CSNK2A2IP: variants seen among roughly 807,000 people sequenced by gnomAD.
CSNK2A2IP encodes casein kinase II subunit alpha'-interacting protein.
the CSNK2A2IP span, among the ~76,000 whole-genome samples, chr3:88,429,722 T>C: frequency 2.0e-5 from 3 of 152,128 alleles, no homozygotes; most frequent in Non-Finnish European, 4.4e-5. Context: ...CTAAACTCTT[T>C]CCTGAGTAGG....
chr3:88,434,985 C>T, the CSNK2A2IP span, among the ~76,000 whole-genome samples: 1 of 152,162 alleles, frequency 6.6e-6, no homozygotes, highest in Non-Finnish European at 1.5e-5. Flanking sequence ...TCCCCTGCCC[C>T]CGCAAAGGCT....
chr3:88,424,797 C>A, the CSNK2A2IP span, among the ~76,000 whole-genome samples: 2 of 106,970 alleles, frequency 1.9e-5, no homozygotes, highest in Non-Finnish European at 4.0e-5. Flanking sequence ...CCCGTAGCAA[C>A]CTTTAACAAA....
chr3:88,360,442 T>C, the CSNK2A2IP span, among the ~76,000 whole-genome samples: 1,263 of 152,292 alleles, frequency 8.3e-3, 12 homozygotes, highest in African/African-American at 0.029. Flanking sequence ...CAAGAGTTTT[T>C]GTCTTGAAAT....
the CSNK2A2IP span, among the ~76,000 whole-genome samples, chr3:88,390,392 C>T: frequency 1.3e-5 from 2 of 152,146 alleles, no homozygotes; most frequent in African/African-American, 2.4e-5. Flanking sequence ...CATTCTCTGG[C>T]ATAGTGACAC....
chr3:88,429,672 G>A, the CSNK2A2IP span, among the ~76,000 whole-genome samples: 2 of 152,148 alleles, frequency 1.3e-5, no homozygotes, highest in Non-Finnish European at 2.9e-5. Flanking sequence ...CAAGAAATTT[G>A]TGAAACCCTT....
the CSNK2A2IP span, among the ~76,000 whole-genome samples, chr3:88,402,360 C>T: frequency 1.3e-5 from 2 of 151,982 alleles, no homozygotes; most frequent in African/African-American, 4.8e-5. Context: ...AGCAATTTGG[C>T]AATATCTACT....
the CSNK2A2IP span, among the ~76,000 whole-genome samples, chr3:88,339,673 A>G: frequency 7.0e-4 from 106 of 152,246 alleles, no homozygotes; most frequent in African/African-American, 2.3e-3. Flanking sequence ...GACACTTGGG[A>G]CAGGAAAAGA....
chr3:88,428,403 G>T, the CSNK2A2IP span, among the ~76,000 whole-genome samples: 3 of 152,138 alleles, frequency 2.0e-5, no homozygotes, highest in Non-Finnish European at 4.4e-5. Context: ...TGTTAAAAGG[G>T]CATGATTGTG....
the CSNK2A2IP span, chr3:88,343,286 G>A: frequency 6.6e-6 from 1 of 152,226 alleles, no homozygotes; most frequent in Non-Finnish European, 1.5e-5. Flanking sequence ...GATGAGCTTG[G>A]TAAGATGGTG....
At chr3:88,358,953 C>T in the CSNK2A2IP span, among the ~76,000 whole-genome samples, 5 of 149,712 alleles carry the variant, frequency 3.3e-5, no homozygotes, top group South Asian at 2.1e-4. Context: ...GTGAGGCTAT[C>T]GGCTCCTGGA....
the CSNK2A2IP span, among the ~76,000 whole-genome samples, chr3:88,363,378 C>A: frequency 6.6e-6 from 1 of 152,136 alleles, no homozygotes; most frequent in East Asian, 1.9e-4. Flanking sequence ...AAGTTCTCAT[C>A]TCTGGAAGTT....
the CSNK2A2IP span, among the ~76,000 whole-genome samples, chr3:88,444,354 CA>C: frequency 6.6e-6 from 1 of 152,082 alleles, no homozygotes; most frequent in Non-Finnish European, 1.5e-5. Context: ...GAGTTTATGT[CA>C]AAAAGTTCTA....
At chr3:88,404,950 C>T in the CSNK2A2IP span, among the ~76,000 whole-genome samples, 2 of 152,046 alleles carry the variant, frequency 1.3e-5, no homozygotes, top group Non-Finnish European at 2.9e-5. Context: ...ATTTGGATCA[C>T]CCTCAATATC....
the CSNK2A2IP span, among the ~76,000 whole-genome samples, chr3:88,387,825 A>G: frequency 6.6e-6 from 1 of 152,128 alleles, no homozygotes; most frequent in Admixed American, 6.5e-5. Flanking sequence ...TCCTGAGCCC[A>G]AGGGATCCTT....
the CSNK2A2IP span, among the ~76,000 whole-genome samples, chr3:88,391,710 C>T: frequency 6.6e-6 from 1 of 152,276 alleles, no homozygotes; most frequent in South Asian, 2.1e-4. Flanking sequence ...AACTAATAAA[C>T]TCATCATCTT....
At chr3:88,461,540 G>A in the CSNK2A2IP span, among the ~76,000 whole-genome samples, 9 of 152,220 alleles carry the variant, frequency 5.9e-5, no homozygotes, top group Non-Finnish European at 1.3e-4. Flanking sequence ...GCGACAGAGC[G>A]AGACTCTGTT....
At chr3:88,418,289 A>G in the CSNK2A2IP span, among the ~76,000 whole-genome samples, 2 of 152,186 alleles carry the variant, frequency 1.3e-5, no homozygotes, top group Non-Finnish European at 1.5e-5. Flanking sequence ...TTTTTAAAAA[A>G]AGAAAAAGAT....
the CSNK2A2IP span, among the ~76,000 whole-genome samples, chr3:88,404,675 CT>C: frequency 1.6e-5 from 2 of 126,808 alleles, no homozygotes; most frequent in African/African-American, 5.2e-5. Flanking sequence ...TGTACTTCCT[CT>C]TGTGCTGTGT....
chr3:88,438,463 G>T, the CSNK2A2IP span, among the ~76,000 whole-genome samples: 2 of 152,016 alleles, frequency 1.3e-5, no homozygotes, highest in Non-Finnish European at 2.9e-5. Context: ...AAAAGCTAGG[G>T]ATATAACTCT....
Sources: allele counts gnomAD v4.1 joint callset (sites outside exome capture counted in the v4.1 genomes callset), GRCh38; gene constraint gnomAD v4.1.1; transcripts MANE v1.5; gene names NCBI Gene and HGNC (gene_info 2026-07-23, HGNC 2026-07-21).